Variants in ULK4 observed in about 807,000 individuals in gnomAD.
ULK4 encodes inactive serine/threonine-protein kinase ULK4.
A neutral mutation model predicts 160.6 loss-of-function variants in ULK4; 133 were observed. The ratio of observed to expected loss-of-function variants is 0.83; its 90% CI spans 0.72 to 0.96. ULK4 has a LOEUF of 0.96. Among genes scored for constraint, ULK4 ranks in the 40% least tolerant of loss-of-function variants. The pLI is 0.00. For synonymous variants in ULK4, 534 were observed against 539.8 expected (o/e 0.99, Z 0.15); for missense variants, 1,580 against 1,499.5 (o/e 1.05, Z -0.89).
At chr3:41,429,267 T>C (rs183698178) in intron 34 of ULK4, among the ~76,000 whole-genome samples, 2 of 152,324 alleles carry the variant, frequency 1.3e-5, no homozygotes, top group East Asian at 3.9e-4. Flanking sequence ...CTAGAGAGGC[T>C]GTGGAGAAAG....
chr3:41,507,610 A>G (rs4618198), intron 32 of ULK4, among the ~76,000 whole-genome samples: 2 of 43,180 alleles, frequency 4.6e-5, no homozygotes, highest in Non-Finnish European at 8.7e-5. Context: ...TAAAACCACC[A>G]CCAAAAAAAA....
At chr3:41,324,096 G>T (rs1184875506) in intron 35 of ULK4, among the ~76,000 whole-genome samples, 1 of 152,144 alleles carries the variant, frequency 6.6e-6, no homozygotes, top group African/African-American at 2.4e-5. Flanking sequence ...ACTTCAGCTG[G>T]GGCCTTAGCA....
intron 32 of ULK4, among the ~76,000 whole-genome samples, chr3:41,514,094 C>T (rs537777112): frequency 1.3e-5 from 2 of 151,998 alleles, no homozygotes; most frequent in African/African-American, 4.8e-5. Context: ...AACTAGATAC[C>T]TAATAAAATT....
intron 31 of ULK4, among the ~76,000 whole-genome samples, chr3:41,593,328 G>C (rs2031477704): frequency 6.6e-6 from 1 of 152,150 alleles, no homozygotes; most frequent in South Asian, 2.1e-4. Context: ...TCTCTTTAGT[G>C]ATTTGTTGAT....
intron 35 of ULK4, among the ~76,000 whole-genome samples, chr3:41,373,345 C>T (rs2081411345): frequency 6.6e-6 from 1 of 152,192 alleles, no homozygotes; most frequent in African/African-American, 2.4e-5. Context: ...CTCTTCTCAG[C>T]ACCACAAAGC....
chr3:41,328,743 G>A (rs1245098601), intron 35 of ULK4, among the ~76,000 whole-genome samples: 5 of 152,046 alleles, frequency 3.3e-5, no homozygotes, highest in Admixed American at 2.6e-4. Context: ...GATCCCCCAG[G>A]CAGAAGTAAG....
At chr3:41,440,001 T>C (rs2083126529) in intron 34 of ULK4, among the ~76,000 whole-genome samples, 1 of 152,212 alleles carries the variant, frequency 6.6e-6, no homozygotes, top group African/African-American at 2.4e-5. Flanking sequence ...CAATTTCAAA[T>C]TGTCCATTGC....
chr3:41,809,831 G>A (rs538726315), intron 19 of ULK4, among the ~76,000 whole-genome samples: 28 of 151,632 alleles, frequency 1.8e-4, no homozygotes, highest in Admixed American at 5.3e-4. Flanking sequence ...TTCTAAAATC[G>A]ACTTAAGTTT....
At chr3:41,491,358 GGTAAA>G (rs1461991021) in intron 32 of ULK4, among the ~76,000 whole-genome samples, 13 of 151,742 alleles carry the variant, frequency 8.6e-5, no homozygotes, top group Non-Finnish European at 1.9e-4. Context: ...TGCCAAAGAA[GGTAAA>G]GTAACTAGAA....
intron 19 of ULK4, among the ~76,000 whole-genome samples, chr3:41,802,982 T>C (rs2040510791): frequency 6.6e-6 from 1 of 152,056 alleles, no homozygotes; most frequent in Non-Finnish European, 1.5e-5. Context: ...CTGTCCAATA[T>C]GGTGAAACCC....
At chr3:41,831,267 C>A (rs1340504773) in intron 18 of ULK4, among the ~76,000 whole-genome samples, 1 of 151,896 alleles carries the variant, frequency 6.6e-6, no homozygotes, top group Non-Finnish European at 1.5e-5. Flanking sequence ...CTCAAGAGAT[C>A]CTCCTGCCTT....
At chr3:41,666,001 G>A (rs1464114379) in intron 29 of ULK4, among the ~76,000 whole-genome samples, 2 of 152,244 alleles carry the variant, frequency 1.3e-5, no homozygotes, top group Non-Finnish European at 2.9e-5. Context: ...ATAGGGCAGA[G>A]ACAAGGAAAG....
chr3:41,765,662 A>G (rs1209748229), intron 21 of ULK4, among the ~76,000 whole-genome samples: 4 of 152,204 alleles, frequency 2.6e-5, no homozygotes, highest in African/African-American at 9.6e-5. Flanking sequence ...CTATTCATTA[A>G]ATGATATCCT....
chr3:41,891,485 GAA>G (rs75147888), intron 16 of ULK4, among the ~76,000 whole-genome samples: 8 of 130,392 alleles, frequency 6.1e-5, no homozygotes, highest in African/African-American at 1.7e-4. Context: ...ACAGAAGAGG[GAA>G]AAAAAAAAAA....
At chr3:41,426,660 A>G (rs1324072305) in intron 34 of ULK4, among the ~76,000 whole-genome samples, 1 of 152,212 alleles carries the variant, frequency 6.6e-6, no homozygotes, top group Non-Finnish European at 1.5e-5. Flanking sequence ...CTGCTCCTGA[A>G]TGACTCTTGG....
At chr3:41,803,380 A>C (rs1181978043) in intron 19 of ULK4, among the ~76,000 whole-genome samples, 1 of 152,198 alleles carries the variant, frequency 6.6e-6, no homozygotes, top group Non-Finnish European at 1.5e-5. Flanking sequence ...CCATACTCAT[A>C]GATTAATTTG....
chr3:41,614,045 G>A (rs2032834722), intron 31 of ULK4, among the ~76,000 whole-genome samples: 1 of 152,176 alleles, frequency 6.6e-6, no homozygotes, highest in African/African-American at 2.4e-5. Context: ...CTTGTTGGGT[G>A]CTCAGTATAC....
chr3:41,753,171 A>G (rs955650185), intron 22 of ULK4, among the ~76,000 whole-genome samples: 2 of 152,148 alleles, frequency 1.3e-5, no homozygotes, highest in African/African-American at 2.4e-5. Flanking sequence ...GTGAGCCATG[A>G]TTACACCACT....
intron 30 of ULK4, among the ~76,000 whole-genome samples, chr3:41,623,551 C>CA (rs2033353402): frequency 6.6e-6 from 1 of 152,142 alleles, no homozygotes; most frequent in Admixed American, 6.5e-5. Flanking sequence ...AAACAAGAAA[C>CA]TCTCATTTGT....
Sources: gnomAD v4.1 joint callset for allele counts (sites outside exome capture counted in the v4.1 genomes callset) on GRCh38, gnomAD v4.1.1 for gene constraint, MANE v1.5 for transcripts, NCBI Gene and HGNC (gene_info 2026-07-23, HGNC 2026-07-21) for gene names.